Variants in UGT1A5 observed in about 807,000 individuals in gnomAD.
UGT1A5 encodes UDP glucuronosyltransferase family 1 member A5.
Under a neutral mutation model 40.3 loss-of-function variants are expected in UGT1A5, and 29 were observed. The observed-to-expected ratio is 0.72, with a 90% CI of 0.54 to 0.98. UGT1A5 has a LOEUF of 0.98. UGT1A5 is among the 50% of genes least tolerant of loss of function. The pLI is 0.00. For synonymous variants in UGT1A5, 257 were observed against 262.5 expected, an observed-to-expected ratio of 0.98 and a Z score of 0.20; for missense variants, 678 against 677.9, an observed-to-expected ratio of 1.00 and a Z score of 0.00.
At chr2:233,718,190 C>T (rs2076637077) in intron 1 of UGT1A5, among the ~76,000 whole-genome samples, 1 of 152,170 alleles carries the variant, frequency 6.6e-6, no homozygotes, top group African/African-American at 2.4e-5. Context: ...GCTCAGCCTC[C>T]CCGGAGCTTT....
At chr2:233,719,477 C>T in intron 1 of UGT1A5, 5 of 1,613,988 alleles carry the variant, frequency 3.1e-6, no homozygotes, top group East Asian at 4.5e-5. Flanking sequence ...ACCCTCTGGC[C>T]CTGTCCTACA....
chr2:233,770,662 A>G (rs1700129154), intron 4 of UGT1A5: 1 of 140,356 alleles, frequency 7.1e-6, no homozygotes, highest in Non-Finnish European at 1.6e-5. Context: ...CGTCTTACTT[A>G]AAAAAAAAAA....
intron 1 of UGT1A5, chr2:233,747,968 A>G: frequency 6.2e-7 from 1 of 1,613,402 alleles, no homozygotes; most frequent in African/African-American, 1.3e-5. Context: ...TCAGCCATGC[A>G]TCTGTGTGGC....
chr2:233,762,086 T>A (rs1422736816), intron 1 of UGT1A5, among the ~76,000 whole-genome samples: 1 of 152,194 alleles, frequency 6.6e-6, no homozygotes, highest in African/African-American at 2.4e-5. Context: ...CCATTTCACT[T>A]AGATAGTTGT....
Position 233,713,730 on chromosome 2 carries a change from G to C in UGT1A5, c.739G>C (p.Asp247His). 6.2e-7 allele frequency: 1 copy of C among 1,613,910 alleles called. No individual in the cohort carries two copies. The highest frequency in any genetic ancestry group is 1.1e-5 in the South Asian group (1 of 91,060). ...TTTTCAGAGAGAGGTGTCAGTGGTG[G>C]ATCTTGTCAGCCATGCATCTGTGTG... ...ELFQREVSVV[D>H]LVSHASVWLF... Residue 247 changes from aspartate to histidine, a missense_variant, in exon 1 of 5, where the codon GAT becomes CAT. Physicochemically the swap from Asp to His is moderately conservative, Grantham distance 81 (BLOSUM62 -1). Transcript: ENST00000373414.
chr2:233,733,746 G>A (rs1211480286), intron 1 of UGT1A5, among the ~76,000 whole-genome samples: 2 of 152,164 alleles, frequency 1.3e-5, no homozygotes, highest in Admixed American at 6.5e-5. Context: ...TGTTCATCAG[G>A]GATATTTGTC....
In UGT1A5 at chr2:233,713,377, T is replaced by C. The variant is rs866828626; in HGVS notation, c.386T>C (p.Val129Ala). Reference sequence around the variant, plus strand: ...TCTTTGATCATACATAGGTCTTGTGTGGAGCTACTGCATAATGAGGCCCTG... The same window carrying C: ...TCTTTGATCATACATAGGTCTTGTGCGGAGCTACTGCATAATGAGGCCCTG... ...NMSLIIHRSC[V>A]ELLHNEALIR... Residue 129 changes from valine to alanine, a missense_variant, in exon 1 of 5, where the codon GTG (valine) becomes GCG (alanine). Physicochemically the swap from Val to Ala is moderately conservative, Grantham distance 64. Transcript: ENST00000373414. The C allele has an allele frequency of 1.9e-6, 3 of 1,614,038 alleles. No individual in the cohort carries two copies. Among genetic ancestry groups the C allele is most frequent in the Middle Eastern group, 1.6e-4 (1 of 6,082 alleles).
intron 1 of UGT1A5, chr2:233,753,227 G>C (rs1159268565): frequency 6.6e-6 from 1 of 152,106 alleles, no homozygotes; most frequent in Non-Finnish European, 1.5e-5. Flanking sequence ...GATACTTCTT[G>C]TATAGTTATT....
rs190865559 is a variant in UGT1A5 at position 233,744,424 on chromosome 2, A to G, written c.868-22610A>G. 3.3e-5 allele frequency among the ~76,000 whole-genome samples: 5 copies of G among 151,988 alleles called. No individual in the cohort carries two copies. The East Asian group carries it at 9.6e-4, about 29-fold the overall frequency. On this transcript the variant is annotated intron_variant, in intron 1 of 4. Coordinates refer to ENST00000373414, the MANE Select transcript of UGT1A5 (RefSeq NM_019078.2). ...CCATTTGCTTTTGTTCATGTGGATT[A>G]TATCTATCATACGTACTGCATTAGA...
intron 1 of UGT1A5, among the ~76,000 whole-genome samples, chr2:233,733,067 T>A (rs1039618890): frequency 3.2e-4 from 48 of 152,298 alleles, no homozygotes; most frequent in Non-Finnish European, 4.6e-4. Flanking sequence ...ATTCTCTTTG[T>A]AGCAATTGTG....
chr2:233,744,437 G>A (rs1405958246), intron 1 of UGT1A5, among the ~76,000 whole-genome samples: 1 of 151,860 alleles, frequency 6.6e-6, no homozygotes, highest in Non-Finnish European at 1.5e-5. Context: ...TCTATCATAC[G>A]TACTGCATTA....
At chr2:233,716,361 T>C (rs527757463) in intron 1 of UGT1A5, among the ~76,000 whole-genome samples, 4 of 152,352 alleles carry the variant, frequency 2.6e-5, no homozygotes, top group Admixed American at 2.0e-4. Flanking sequence ...AGATACTTTG[T>C]GGGGCTGTGA....
intron 1 of UGT1A5, chr2:233,747,304 G>A: frequency 6.2e-7 from 1 of 1,602,730 alleles, no homozygotes; most frequent in East Asian, 2.2e-5. Flanking sequence ...GAGTGGGAAG[G>A]TGCTGGTGGT....
intron 1 of UGT1A5, chr2:233,743,944 C>T (rs558062868): frequency 4.4e-5 from 59 of 1,351,522 alleles, no homozygotes; most frequent in Non-Finnish European, 5.5e-5. Flanking sequence ...GCCCACCAGG[C>T]ACTGGCACAG....
In UGT1A5 at chr2:233,767,880, C is replaced by T. The variant is rs144978321; in HGVS notation, c.1031C>T (p.Ser344Leu). Reference sequence around the variant, plus strand: ...TGGCGGTACACTGGAACCCGACCATCGAATCTTGCGAACAACACGATACTT... The same window carrying T: ...TGGCGGTACACTGGAACCCGACCATTGAATCTTGCGAACAACACGATACTT... ...VLWRYTGTRP[S>L]NLANNTILVK... Residue 344 changes from serine (S) to leucine (L), a missense_variant, in exon 3 of 5, where the codon TCG (serine) becomes TTG (leucine). Physicochemically the swap from Ser to Leu is moderately radical, Grantham distance 145 (BLOSUM62 -2). Transcript: ENST00000373414. 290 of 1,614,050 alleles carry T rather than the reference C, an allele frequency of 1.8e-4. No homozygotes were observed. Among genetic ancestry groups the T allele is most frequent in the Non-Finnish European group, 2.4e-4 (278 of 1,180,052 alleles).
intron 1 of UGT1A5, among the ~76,000 whole-genome samples, chr2:233,715,395 T>C (rs1475144690): frequency 6.6e-6 from 1 of 152,246 alleles, no homozygotes. Context: ...TATCATTAAA[T>C]AATAATCCTT....
At chr2:233,715,102 T>C (rs1462958719) in intron 1 of UGT1A5, among the ~76,000 whole-genome samples, 2 of 152,140 alleles carry the variant, frequency 1.3e-5, no homozygotes, top group East Asian at 3.9e-4. Context: ...GCCAGGCTGA[T>C]CTCAAATGCC....
At chr2:233,720,032 C>T (rs1386441803) in intron 1 of UGT1A5, among the ~76,000 whole-genome samples, 2 of 152,104 alleles carry the variant, frequency 1.3e-5, no homozygotes, top group Middle Eastern at 3.2e-3. Context: ...TTTTGCTTGC[C>T]TGATTTTCAG....
At chr2:233,738,243 A>G (rs57963849) in intron 1 of UGT1A5, among the ~76,000 whole-genome samples, 4 of 152,190 alleles carry the variant, frequency 2.6e-5, no homozygotes, top group Non-Finnish European at 5.9e-5. Context: ...CTCCAGCCAC[A>G]TGGAACTGGA....
Sources: allele counts gnomAD v4.1 joint callset (sites outside exome capture counted in the v4.1 genomes callset), GRCh38; gene constraint gnomAD v4.1.1; transcripts MANE v1.5; gene names NCBI Gene and HGNC (gene_info 2026-07-23, HGNC 2026-07-21).